RPL36: variants seen among roughly 807,000 people sequenced by gnomAD.
RPL36 encodes the protein ribosomal protein L36.
For missense variants in RPL36, 131 were observed against 144.9 expected (o/e 0.90, Z 0.49); for synonymous variants, 74 against 56.0 (o/e 1.32, Z -1.44).
At position 5,690,341 on chromosome 19, in the gene RPL36, C is replaced by A. The variant is rs747967069; in HGVS notation, c.-3+14C>A. ...GGAGAGCAGCAGGTAAGTGGTTTCC[C>A]GCACTGCCGGTATCCGCCGCCATCC... On this transcript the variant is annotated intron_variant, in intron 1 of 3. Transcript: ENST00000347512. The A allele has an allele frequency of 3.0e-6, 2 of 671,804 alleles. No homozygotes were observed. Among genetic ancestry groups the A allele is most frequent in the Non-Finnish European group, 2.7e-6 (1 of 367,190 alleles). The allele number at this position is 671,804 out of a possible 1,614,324, so 41.6% of individuals were successfully genotyped here.
At position 5,691,799 on chromosome 19, in the gene RPL36, C is replaced by G. The variant is rs1467417026; in HGVS notation, c.*178C>G. 1 of 858,686 alleles carries G rather than the reference C, an allele frequency of 1.2e-6. No homozygotes were observed. The highest frequency in any genetic ancestry group is 1.8e-6 in the Non-Finnish European group (1 of 550,810). The allele number at this position is 858,686 out of a possible 1,614,324, so 53.2% of individuals were successfully genotyped here. On this transcript the variant is annotated 3_prime_UTR_variant, in exon 4 of 4. Transcript: ENST00000347512. The stretch of plus-strand genomic sequence containing the variant: ...CGTGAATCAAAAGCCGTGGCCCGCC[C>G]ACCCTTCCCGGGGCAGCAGGTGAGG...
Position 5,690,531 on chromosome 19 carries a change from C to G in RPL36, c.24C>G (p.Ala8=). 1 of 1,564,464 alleles carries G rather than the reference C, an allele frequency of 6.4e-7. No individual in the cohort carries two copies. Reference sequence around the variant, plus strand: ...CCATGGCCCTACGCTACCCTATGGCCGTGGGCCTCAACAAGGGCCACAAAG... The same window carrying G: ...CCATGGCCCTACGCTACCCTATGGCGGTGGGCCTCAACAAGGGCCACAAAG... MALRYPM[A]VGLNKGHKVT... is the part of the protein sequence containing the mutation. Residue 8 remains alanine, a synonymous_variant, in exon 2 of 4, where the codon GCC becomes GCG. Transcript: ENST00000347512.
intron 2 of RPL36, 183 bp from the exon 3 acceptor site, chr19:5,691,136 G>A: frequency 2.5e-6 from 2 of 789,798 alleles, no homozygotes; most frequent in Admixed American, 2.5e-5. Flanking sequence ...GCGGAGACTG[G>A]GACTTAGGGA....
chr19:5,691,714 G>T lies in RPL36; in HGVS notation c.*93G>T. ...GTGGGTGGGTGTGGGTGTGTCGGGG[G>T]CCCGCAGTCCCCTGTCTGGTGCCCG... is the stretch of plus-strand genomic sequence containing the variant. On this transcript the variant is annotated 3_prime_UTR_variant, in exon 4 of 4. Coordinates refer to ENST00000347512, the MANE Select transcript of RPL36 (RefSeq NM_033643.3). The T allele has an allele frequency of 7.6e-7, 1 of 1,311,062 alleles. No individual in the cohort carries two copies. The highest frequency in any genetic ancestry group is 1.1e-6 in the Non-Finnish European group (1 of 933,798). The allele number at this position is 1,311,062 out of a possible 1,614,324, so 81.2% of individuals were successfully genotyped here. A position where few individuals can be genotyped will look rare whatever the true frequency, so the allele number is the denominator to read the frequency against.
At chr19:5,691,273 A>C in intron 2 of RPL36, 46 bp from the exon 3 acceptor site, 1 of 1,611,448 alleles carries the variant, frequency 6.2e-7, no homozygotes, top group Non-Finnish European at 8.5e-7. Flanking sequence ...GCTTAACTAG[A>C]ATGCAGGGAT....
At chr19:5,690,667 A>C in intron 2 of RPL36, 67 bp downstream of exon 2, 2 of 1,302,696 alleles carry the variant, frequency 1.5e-6, no homozygotes, top group South Asian at 2.5e-5. Flanking sequence ...GGCTTGGGCA[A>C]AGGCTCTCGA....
Position 5,691,721 on chromosome 19 carries a change from G to C in RPL36, c.*100G>C. 1 of 1,266,040 alleles carries C rather than the reference G, an allele frequency of 7.9e-7. No homozygotes were observed. Among genetic ancestry groups the C allele is most frequent in the Non-Finnish European group, 1.1e-6 (1 of 893,240 alleles). The allele number at this position is 1,266,040 out of a possible 1,614,324, so 78.4% of individuals were successfully genotyped here. A position where few individuals can be genotyped will look rare whatever the true frequency, so the allele number is the denominator to read the frequency against. Reference sequence around the variant, plus strand: ...GGTGTGGGTGTGTCGGGGGCCCGCAGTCCCCTGTCTGGTGCCCGCTCTGAG... The same window carrying C: ...GGTGTGGGTGTGTCGGGGGCCCGCACTCCCCTGTCTGGTGCCCGCTCTGAG... On this transcript the variant is annotated 3_prime_UTR_variant, in exon 4 of 4. Transcript: ENST00000347512.
At chr19:5,690,712 G>A (rs1277116379) in intron 2 of RPL36, 112 bp downstream of exon 2, 2 of 860,626 alleles carry the variant, frequency 2.3e-6, no homozygotes, top group Non-Finnish European at 3.7e-6. Flanking sequence ...CAGAACTAAG[G>A]GGGGCTTGAA....
rs1319784284 is a variant in RPL36, at chr19:5,691,673, G to C, written c.*52G>C. On this transcript the variant is annotated 3_prime_UTR_variant, in exon 4 of 4. Coordinates refer to ENST00000347512, the MANE Select transcript of RPL36 (RefSeq NM_033643.3). Reference sequence around the variant, plus strand: ...TAAAGAACAGCTTGACAGAAGCCCTGGCTCTCCTGCTGTCCGTGGGTGGGT... The same window carrying C: ...TAAAGAACAGCTTGACAGAAGCCCTCGCTCTCCTGCTGTCCGTGGGTGGGT... 2.7e-5 allele frequency: 42 copies of C among 1,537,662 alleles called. 1 individual carries two copies. The Admixed American group carries it at 8.0e-4, about 29-fold the overall frequency.
Position 5,691,711 on chromosome 19 carries a change from G to C in RPL36, c.*90G>C, listed in dbSNP as rs528926220. On this transcript the variant is annotated 3_prime_UTR_variant, in exon 4 of 4. Transcript: ENST00000347512. ...TCCGTGGGTGGGTGTGGGTGTGTCG[G>C]GGGCCCGCAGTCCCCTGTCTGGTGC... 4.5e-6 allele frequency: 6 copies of C among 1,325,532 alleles called. No individual in the cohort carries two copies. The African/African-American group carries it at 5.8e-5, about 13-fold the overall frequency. The allele number at this position is 1,325,532 out of a possible 1,614,324, so 82.1% of individuals were successfully genotyped here. A position where few individuals can be genotyped will look rare whatever the true frequency, so the allele number is the denominator to read the frequency against.
chr19:5,690,919 G>A, intron 2 of RPL36: 1 of 544,692 alleles, frequency 1.8e-6, no homozygotes, highest in South Asian at 2.1e-5. Context: ...CGGTGTGTGA[G>A]GTTGAGGGAT....
chr19:5,691,213 C>G, intron 2 of RPL36, 106 bp from the exon 3 acceptor site: 1 of 1,543,352 alleles, frequency 6.5e-7, no homozygotes, highest in Non-Finnish European at 8.9e-7. Context: ...CACAGCTACC[C>G]ACAGAGGGGA....
chr19:5,690,969 G>C, intron 2 of RPL36: 1 of 531,000 alleles, frequency 1.9e-6, no homozygotes, highest in South Asian at 2.1e-5. Context: ...TATTAAGCGG[G>C]CAGCGGGTTT....
intron 1 of RPL36, 42 bp from the exon 2 acceptor site, chr19:5,690,464 C>A: frequency 6.9e-7 from 1 of 1,441,230 alleles, no homozygotes; most frequent in Non-Finnish European, 9.5e-7. Context: ...GGGAACTGAG[C>A]CGGTACTCAC....
In RPL36 at chr19:5,691,753, CCT is replaced by C. The variant is rs1318812051; in HGVS notation, c.*136_*137del. The C allele has an allele frequency of 2.8e-6, 3 of 1,057,546 alleles. No homozygotes were observed. Among genetic ancestry groups the C allele is most frequent in the African/African-American group, 1.6e-5 (1 of 63,688 alleles). 65.5% of individuals were successfully genotyped at this position (1,057,546 alleles called of 1,614,324 possible). ...GTCTGGTGCCCGCTCTGAGCCACAC[CCT>C]CTCCGGGTGCTGCCTGGTCGTGAAT... On this transcript the variant is annotated 3_prime_UTR_variant, in exon 4 of 4. Coordinates refer to ENST00000347512, the MANE Select transcript of RPL36 (RefSeq NM_033643.3).
Position 5,691,372 on chromosome 19 carries a change from C to G in RPL36, c.147C>G (p.Gly49=), listed in dbSNP as rs760952593. The G allele has an allele frequency of 5.7e-5, 92 of 1,613,558 alleles. No homozygotes were observed. The highest frequency in any genetic ancestry group is 7.5e-5 in the Non-Finnish European group (88 of 1,180,020). The change falls in exon 3 of 4, where the codon GGC becomes GGG. Residue 49 remains glycine (G), a synonymous_variant. Transcript: ENST00000347512. ...FVRDMIREVC[G]FAPYERRAME... is the part of the protein sequence containing the mutation. ...GGGACATGATTCGGGAGGTGTGTGG[C>G]TTTGCCCCGTACGAGCGGCGCGCCA... is the stretch of plus-strand genomic sequence containing the variant.
Position 5,691,504 on chromosome 19 carries a change from G to A in RPL36, c.229-28G>A, listed in dbSNP as rs201748329. On this transcript the variant is annotated intron_variant, in intron 3 of 3. Coordinates refer to ENST00000347512, the MANE Select transcript of RPL36 (RefSeq NM_033643.3). ...GCGGGGTGGGATGGGAGTCAGGGCC[G>A]GGCTGACGGCGGCCTCGTCCCTGGC... 79 of 1,607,592 alleles carry A rather than the reference G, an allele frequency of 4.9e-5. No individual in the cohort carries two copies. The African/African-American group carries it at 8.8e-4, about 18-fold the overall frequency.
In RPL36 at chr19:5,691,097, C is replaced by T. The variant is rs542078228; in HGVS notation, c.94-222C>T. On this transcript the variant is annotated intron_variant, in intron 2 of 3. Transcript: ENST00000347512. ...TGGGCGCCTTTATTCAGCAGGCAGC[C>T]CAGACTCCAGGTGCGTCCTGCCAGT... 49 of 638,664 alleles carry T rather than the reference C, an allele frequency of 7.7e-5. 1 individual carries two copies. Among genetic ancestry groups the T allele is most frequent in the Non-Finnish European group, 1.1e-5 (4 of 366,808 alleles). 39.6% of individuals were successfully genotyped at this position (638,664 alleles called of 1,614,324 possible). A position where few individuals can be genotyped will look rare whatever the true frequency, so the allele number is the denominator to read the frequency against.
At position 5,691,784 on chromosome 19, in the gene RPL36, A is replaced by AT; in HGVS notation, c.*163_*164insT. On this transcript the variant is annotated 3_prime_UTR_variant, in exon 4 of 4. Transcript: ENST00000347512. ...CGGGTGCTGCCTGGTCGTGAATCAA[A>AT]AGCCGTGGCCCGCCCACCCTTCCCG... The AT allele has an allele frequency of 2.2e-6, 2 of 926,670 alleles. No individual in the cohort carries two copies. The highest frequency in any genetic ancestry group is 1.7e-6 in the Non-Finnish European group (1 of 601,618). The allele number at this position is 926,670 out of a possible 1,614,324, so 57.4% of individuals were successfully genotyped here. A position where few individuals can be genotyped will look rare whatever the true frequency, so the allele number is the denominator to read the frequency against.
Sources: allele counts gnomAD v4.1 joint callset, GRCh38; gene constraint gnomAD v4.1.1; transcripts MANE v1.5; gene names NCBI Gene and HGNC (gene_info 2026-07-23, HGNC 2026-07-21).